KCNC2: variants seen among roughly 807,000 people sequenced by gnomAD.
The protein encoded by KCNC2 is potassium voltage-gated channel subfamily C member 2.
In KCNC2, 21 loss-of-function variants were observed where a neutral mutation model predicts 44.5. That is an observed-to-expected ratio of 0.47 (90% CI 0.33 to 0.68). KCNC2 has a LOEUF of 0.68. Among genes scored for constraint, KCNC2 ranks in the 30% least tolerant of loss-of-function variants. The probability of loss-of-function intolerance (pLI) is 0.01; values close to 1 mark genes in which losing one functional copy is unlikely to be tolerated. For missense variants in KCNC2, 589 were observed against 826.2 expected, an observed-to-expected ratio of 0.71 and a Z score of 3.52; for synonymous variants, 391 against 339.1, an observed-to-expected ratio of 1.15 and a Z score of -1.68.
intron 2 of KCNC2, among the ~76,000 whole-genome samples, chr12:75,166,500 G>A (rs1277929729): frequency 6.7e-6 from 1 of 149,534 alleles, no homozygotes; most frequent in African/African-American, 2.4e-5. Flanking sequence ...ACCAACATCA[G>A]CAGAATACAC....
At chr12:75,113,549 A>G (rs1435742925) in intron 2 of KCNC2, among the ~76,000 whole-genome samples, 1 of 152,240 alleles carries the variant, frequency 6.6e-6, no homozygotes, top group Admixed American at 6.5e-5. Flanking sequence ...ATCCTGTGTC[A>G]GAATTCTGGC....
chr12:75,074,129 ATGT>A (rs2059951655), intron 2 of KCNC2, among the ~76,000 whole-genome samples: 1 of 152,102 alleles, frequency 6.6e-6, no homozygotes, highest in Non-Finnish European at 1.5e-5. Context: ...TCTTAAGAGC[ATGT>A]TAAGTAAAAA....
chr12:75,185,549 A>G (rs1892882121), intron 2 of KCNC2, among the ~76,000 whole-genome samples: 1 of 151,838 alleles, frequency 6.6e-6, no homozygotes, highest in Non-Finnish European at 1.5e-5. Flanking sequence ...GGATGACACA[A>G]TAAGAAGGCC....
In KCNC2 at chr12:75,097,789, G is replaced by GA. The variant is rs200768950; in HGVS notation, c.688-46473dup. Reference sequence around the variant, plus strand: ...CTGCTTATCAGCTTTTTGACTTTGGGAAAAAAAATTAACATCTCAAAACCA... The same window carrying GA: ...CTGCTTATCAGCTTTTTGACTTTGGGAAAAAAAAATTAACATCTCAAAACCA... On this transcript the variant is annotated intron_variant, in intron 2 of 4. Coordinates refer to ENST00000549446, the MANE Select transcript of KCNC2 (RefSeq NM_139137.4). Among the ~76,000 whole-genome samples, 674 of 151,712 alleles carry GA rather than the reference G, an allele frequency of 4.4e-3. 6 individuals carry two copies. Among genetic ancestry groups the GA allele is most frequent in the African/African-American group, 0.014 (560 of 41,408 alleles).
At chr12:75,047,959 C>T (rs535868205) in intron 4 of KCNC2, among the ~76,000 whole-genome samples, 194 bp downstream of exon 4, 1 of 152,166 alleles carries the variant, frequency 6.6e-6, no homozygotes, top group African/African-American at 2.4e-5. Flanking sequence ...AGATGTCTTT[C>T]AGATATGACG....
chr12:75,057,062 T>C (rs1207542578), intron 2 of KCNC2, among the ~76,000 whole-genome samples: 3 of 152,036 alleles, frequency 2.0e-5, no homozygotes, highest in Admixed American at 6.6e-5. Flanking sequence ...CAAAAAACTT[T>C]AAGCATGTAT....
At chr12:75,092,607 C>T (rs930799532) in intron 2 of KCNC2, among the ~76,000 whole-genome samples, 2 of 151,478 alleles carry the variant, frequency 1.3e-5, no homozygotes, top group African/African-American at 4.8e-5. Flanking sequence ...ACATCTATTC[C>T]TGAAGAATGA....
At chr12:75,173,882 CTG>C (rs1565662563) in intron 2 of KCNC2, among the ~76,000 whole-genome samples, 2 of 151,842 alleles carry the variant, frequency 1.3e-5, no homozygotes, top group Admixed American at 6.6e-5. Flanking sequence ...TCTTAAAACA[CTG>C]TATAGATTTC....
intron 1 of KCNC2, among the ~76,000 whole-genome samples, chr12:75,208,957 T>G (rs958725103): frequency 1.8e-4 from 27 of 151,212 alleles, no homozygotes; most frequent in African/African-American, 6.3e-4. Flanking sequence ...GGGTGGAGGG[T>G]GGGGGATTTG....
chr12:75,042,320 A>C lies in KCNC2; in HGVS notation c.*785T>G. 1 of 1,611,810 alleles carries C rather than the reference A, an allele frequency of 6.2e-7. No homozygotes were observed. The highest frequency in any genetic ancestry group is 8.5e-7 in the Non-Finnish European group (1 of 1,178,626). Reference sequence around the variant, plus strand: ...TGTGCCTTCCCCAAGTCATTAAGTAAGAGATCTGGCCTCGGCTTGCGTGTA... The same window carrying C: ...TGTGCCTTCCCCAAGTCATTAAGTACGAGATCTGGCCTCGGCTTGCGTGTA... On this transcript the variant is annotated 3_prime_UTR_variant, in exon 5 of 5. Coordinates refer to ENST00000549446, the MANE Select transcript of KCNC2 (RefSeq NM_139137.4).
At chr12:75,147,711 A>T (rs778079678) in intron 2 of KCNC2, among the ~76,000 whole-genome samples, 4 of 152,134 alleles carry the variant, frequency 2.6e-5, no homozygotes, top group Non-Finnish European at 4.4e-5. Context: ...CCACAAACCT[A>T]GTATTTATGG....
chr12:75,108,430 T>A (rs1411707404), intron 2 of KCNC2, among the ~76,000 whole-genome samples: 1 of 152,210 alleles, frequency 6.6e-6, no homozygotes, highest in Admixed American at 6.5e-5. Context: ...CAACTTACCT[T>A]GCATTGCCAG....
intron 2 of KCNC2, among the ~76,000 whole-genome samples, chr12:75,061,562 C>T (rs1342998544): frequency 1.1e-5 from 1 of 93,538 alleles, no homozygotes; most frequent in Non-Finnish European, 2.2e-5. Context: ...ATATAAGTGA[C>T]AAGTACACAC....
At chr12:75,051,734 G>A (rs1881195156) in intron 2 of KCNC2, among the ~76,000 whole-genome samples, 1 of 151,886 alleles carries the variant, frequency 6.6e-6, no homozygotes, top group Admixed American at 6.6e-5. Flanking sequence ...TAAATTTAAG[G>A]TGCATGACAC....
chr12:75,194,316 A>T (rs2030566312), intron 2 of KCNC2, among the ~76,000 whole-genome samples: 2 of 152,164 alleles, frequency 1.3e-5, no homozygotes, highest in East Asian at 1.9e-4. Context: ...GGGGAAGGGG[A>T]TCATCATGTG....
intron 2 of KCNC2, among the ~76,000 whole-genome samples, chr12:75,116,817 A>T (rs1013311962): frequency 3.3e-5 from 5 of 152,028 alleles, no homozygotes; most frequent in African/African-American, 1.2e-4. Flanking sequence ...GGGCCAACAC[A>T]CACATATCTG....
intron 4 of KCNC2, chr12:75,043,699 T>C (rs1317420263): frequency 2.1e-6 from 3 of 1,401,326 alleles, no homozygotes; most frequent in Admixed American, 5.6e-5. Flanking sequence ...AATGGACAAC[T>C]CTTTTTCCAG....
chr12:75,050,257 A>G, intron 3 of KCNC2, 133 bp downstream of exon 3: 1 of 683,616 alleles, frequency 1.5e-6, no homozygotes, highest in Non-Finnish European at 2.5e-6. Context: ...CCTGACACAA[A>G]CACACATTTC....
intron 2 of KCNC2, among the ~76,000 whole-genome samples, chr12:75,176,176 G>C (rs559869172): frequency 7.8e-4 from 118 of 152,148 alleles, no homozygotes; most frequent in African/African-American, 2.8e-3. Flanking sequence ...GCAGGTACCT[G>C]TACATTTAGC....
Sources: gnomAD v4.1 joint callset for allele counts (sites outside exome capture counted in the v4.1 genomes callset) on GRCh38, gnomAD v4.1.1 for gene constraint, MANE v1.5 for transcripts, NCBI Gene and HGNC (gene_info 2026-07-23, HGNC 2026-07-21) for gene names.